The following CACNA1B variants were observed in gnomAD, a reference collection of about 807,000 sequenced individuals.
CACNA1B encodes the protein voltage-dependent N-type calcium channel subunit alpha-1B.
A neutral mutation model predicts 247.2 loss-of-function variants in CACNA1B; 70 were observed. That is an observed-to-expected ratio of 0.28 (90% CI 0.23 to 0.35). The LOEUF is 0.35. Among genes scored for constraint, CACNA1B ranks in the 10% least tolerant of loss-of-function variants. The pLI is 1.00. For missense variants in CACNA1B, 2,367 were observed against 3,197.4 expected (o/e 0.74, Z 6.26); for synonymous variants, 1,231 against 1,294.4 (o/e 0.95, Z 1.05).
At chr9:137,972,237 A>G (rs10780195) in intron 11 of CACNA1B, among the ~76,000 whole-genome samples, 53,428 of 150,242 alleles carry the variant, frequency 0.36, 13,207 homozygotes, top group African/African-American at 0.69. Context: ...TGTGGAATAC[A>G]GCATTGCTCT....
At chr9:138,095,945 G>C (rs1244583040) in intron 36 of CACNA1B, among the ~76,000 whole-genome samples, 1 of 151,666 alleles carries the variant, frequency 6.6e-6, no homozygotes, top group Non-Finnish European at 1.5e-5. Flanking sequence ...AGGGGGTTGG[G>C]GGGGCGGGGA....
In CACNA1B at chr9:138,073,064, G is replaced by A. The variant is rs1029403484; in HGVS notation, c.4675-424G>A. Among the ~76,000 whole-genome samples, 7 of 152,184 alleles carry A rather than the reference G, an allele frequency of 4.6e-5. No homozygotes were observed. Among genetic ancestry groups the A allele is most frequent in the African/African-American group, 1.2e-4 (5 of 41,438 alleles). Reference sequence around the variant, plus strand: ...TGAAGCCTGGGCGGGGGTCCCTTCCGGGGTGCTGGGTGGAGAAGCAGTCAT... The same window carrying A: ...TGAAGCCTGGGCGGGGGTCCCTTCCAGGGTGCTGGGTGGAGAAGCAGTCAT... On this transcript the variant is annotated intron_variant, in intron 32 of 46. Coordinates refer to ENST00000371372, the MANE Select transcript of CACNA1B (RefSeq NM_000718.4). The surrounding 1 kb of genome is among the most constrained non-coding windows in gnomAD (Gnocchi z 6.4).
chr9:138,037,409 A>G (rs895358063), intron 20 of CACNA1B, among the ~76,000 whole-genome samples: 7 of 152,236 alleles, frequency 4.6e-5, no homozygotes, highest in African/African-American at 1.7e-4. Context: ...GTGTAATCCC[A>G]GCACTTTGGG....
intron 12 of CACNA1B, among the ~76,000 whole-genome samples, chr9:137,981,951 TAGCCCTTC>T (rs1467910046): frequency 6.6e-6 from 1 of 152,242 alleles, no homozygotes; most frequent in Non-Finnish European, 1.5e-5. Flanking sequence ...AAGTGCGCTT[TAGCCCTTC>T]ATTAATGTGC....
chr9:137,968,363 T>C (rs1958105892), intron 10 of CACNA1B, among the ~76,000 whole-genome samples: 1 of 152,230 alleles, frequency 6.6e-6, no homozygotes. Context: ...CCTGACGCCT[T>C]GTCAGCTGGT....
At chr9:138,015,206 G>A (rs1334755299) in intron 18 of CACNA1B, among the ~76,000 whole-genome samples, 3 of 152,138 alleles carry the variant, frequency 2.0e-5, no homozygotes, top group Non-Finnish European at 2.9e-5. Flanking sequence ...CCAGGTGTCA[G>A]CCCCCATGGT....
intron 36 of CACNA1B, among the ~76,000 whole-genome samples, chr9:138,081,865 A>C (rs1960532489): frequency 1.3e-5 from 2 of 151,192 alleles, no homozygotes; most frequent in Non-Finnish European, 2.9e-5. Context: ...AGATTGAATC[A>C]GTAATCGAAA....
Position 138,073,682 on chromosome 9 carries a change from C to A in CACNA1B, c.4791+78C>A. The A allele has an allele frequency of 1.2e-6, 1 of 857,072 alleles. No homozygotes were observed. The highest frequency in any genetic ancestry group is 2.0e-6 in the Non-Finnish European group (1 of 499,800). 53.1% of individuals were successfully genotyped at this position (857,072 alleles called of 1,614,324 possible). On this transcript the variant is annotated intron_variant, in intron 33 of 46. Coordinates refer to ENST00000371372, the MANE Select transcript of CACNA1B (RefSeq NM_000718.4). This position sits in a 1 kb window ranked among gnomAD's most constrained non-coding sequence, Gnocchi z 6.4. ...TCCCCTGCCCCCACCACAGTGGCCC[C>A]TCCTTTGGGAGGCTGGGAGAGGGTA...
At chr9:138,113,851 C>T (rs1471785848) in intron 40 of CACNA1B, among the ~76,000 whole-genome samples, 2 of 135,140 alleles carry the variant, frequency 1.5e-5, no homozygotes, top group African/African-American at 3.0e-5. Context: ...TTGTGGGAGA[C>T]GTGAGGGAGT....
Position 138,003,098 on chromosome 9 carries a change from A to C in CACNA1B, c.1975-3669A>C, listed in dbSNP as rs191789368. ...AACGTGAGCCACTGTGCCTGGCCCAAATTTCTTTTTTTTAATGGAGATGGG... is the reference window on the plus strand; with the variant it reads ...AACGTGAGCCACTGTGCCTGGCCCACATTTCTTTTTTTTAATGGAGATGGG... On this transcript the variant is annotated intron_variant, in intron 15 of 46. Coordinates refer to ENST00000371372, the MANE Select transcript of CACNA1B (RefSeq NM_000718.4). Among the ~76,000 whole-genome samples the C allele has an allele frequency of 1.7e-3, 253 of 150,672 alleles. 1 individual carries two copies. The highest frequency in any genetic ancestry group is 5.4e-3 in the African/African-American group (221 of 41,126).
In CACNA1B at chr9:137,952,615, A is replaced by G. The variant is rs1053139340; in HGVS notation, c.1070+238A>G. On this transcript the variant is annotated intron_variant, in intron 7 of 46. Coordinates refer to ENST00000371372, the MANE Select transcript of CACNA1B (RefSeq NM_000718.4). The surrounding 1 kb of genome is among the most constrained non-coding windows in gnomAD (Gnocchi z 4.8). Reference sequence around the variant, plus strand: ...CCCTGGCCTTTCCGTGGTCTCTGCCATGGGAGAGTAGCTGCCACTACTCAT... The same window carrying G: ...CCCTGGCCTTTCCGTGGTCTCTGCCGTGGGAGAGTAGCTGCCACTACTCAT... 6.6e-6 allele frequency among the ~76,000 whole-genome samples: 1 copy of G among 151,836 alleles called. No homozygotes were observed. The highest frequency in any genetic ancestry group is 2.4e-5 in the African/African-American group (1 of 41,338).
At chr9:137,922,274 A>T (rs1206464295) in intron 6 of CACNA1B, among the ~76,000 whole-genome samples, 4 of 148,260 alleles carry the variant, frequency 2.7e-5, no homozygotes, top group Non-Finnish European at 1.5e-5. Flanking sequence ...CATGATCAGC[A>T]CCACGACCGC....
At chr9:138,027,770 C>A (rs1418129609) in intron 20 of CACNA1B, among the ~76,000 whole-genome samples, 1 of 152,142 alleles carries the variant, frequency 6.6e-6, no homozygotes, top group Non-Finnish European at 1.5e-5. Flanking sequence ...AATATCTTTG[C>A]AATCTTAGAA....
intron 6 of CACNA1B, among the ~76,000 whole-genome samples, chr9:137,931,340 C>G (rs1957605373): frequency 6.6e-6 from 1 of 152,074 alleles, no homozygotes; most frequent in Non-Finnish European, 1.5e-5. Flanking sequence ...AAATGAAGAC[C>G]AGGCCCTCTA....
chr9:137,940,333 A>G (rs969732767), intron 6 of CACNA1B, among the ~76,000 whole-genome samples: 2 of 152,328 alleles, frequency 1.3e-5, no homozygotes, highest in East Asian at 3.9e-4. Flanking sequence ...AGATGGATAA[A>G]TTCCTGGAAT....
chr9:138,017,288 C>T lies in CACNA1B; in HGVS notation c.2267+4053C>T, dbSNP rs978204110. 24 of 481,544 alleles carry T rather than the reference C, an allele frequency of 5.0e-5. 1 individual carries two copies. The highest frequency in any genetic ancestry group is 1.2e-4 in the South Asian group (8 of 67,858). 29.8% of individuals were successfully genotyped at this position (481,544 alleles called of 1,614,324 possible). ...CCTTCCACTCCTAACTCTGCTATCT[C>T]ACCGCAAGTCATTTGCTTCATGGGG... On this transcript the variant is annotated intron_variant, in intron 18 of 46. Transcript: ENST00000371372.
At chr9:138,094,182 A>G (rs1052141550) in intron 36 of CACNA1B, among the ~76,000 whole-genome samples, 9 of 152,340 alleles carry the variant, frequency 5.9e-5, no homozygotes, top group Admixed American at 3.9e-4. Flanking sequence ...AAGGACAGAC[A>G]CTGTATGATT....
chr9:138,073,563 A>G lies in CACNA1B; in HGVS notation c.4750A>G (p.Thr1584Ala). The G allele has an allele frequency of 1.2e-6, 2 of 1,612,756 alleles. No homozygotes were observed. Among genetic ancestry groups the G allele is most frequent in the South Asian group, 1.1e-5 (1 of 91,060 alleles). ...RLIKLLRQGY[T>A]IRILLWTFVQ... ...GATCAAGCTGCTCCGCCAGGGCTAC[A>G]CCATCCGCATCCTGCTGTGGACCTT... Residue 1584 changes from threonine to alanine, a missense_variant, in exon 33 of 47, where the codon ACC becomes GCC. By Grantham distance (58) the Thr-to-Ala change is moderately conservative. Transcript: ENST00000371372. This position sits in a 1 kb window ranked among gnomAD's most constrained non-coding sequence, Gnocchi z 6.4.
At chr9:138,107,256 T>G (rs1336824400) in intron 39 of CACNA1B, among the ~76,000 whole-genome samples, 1 of 103,338 alleles carries the variant, frequency 9.7e-6, no homozygotes, top group Admixed American at 8.8e-5. Context: ...ATTTATTTAT[T>G]TATTTATTTA....
Sources: gnomAD v4.1 joint callset for allele counts (sites outside exome capture counted in the v4.1 genomes callset) on GRCh38, gnomAD v4.1.1 for gene constraint, Gnocchi (gnomAD v3.1) non-coding constraint, MANE v1.5 for transcripts, NCBI Gene and HGNC (gene_info 2026-07-23, HGNC 2026-07-21) for gene names.